TMEM161B: variants seen among roughly 807,000 people sequenced by gnomAD.
TMEM161B encodes the protein transmembrane protein 161B.
A neutral mutation model predicts 61.8 loss-of-function variants in TMEM161B; 34 were observed. The ratio of observed to expected loss-of-function variants is 0.55; its 90% CI spans 0.42 to 0.73. The LOEUF (loss-of-function observed/expected upper bound fraction) is 0.73. Ranked by LOEUF, TMEM161B falls within the 30% of genes least tolerant of loss-of-function variation. The pLI is 0.00. For missense variants in TMEM161B, 456 were observed against 558.5 expected, an observed-to-expected ratio of 0.82 and a Z score of 1.85; for synonymous variants, 167 against 192.8, an observed-to-expected ratio of 0.87 and a Z score of 1.11.
chr5:88,219,233 A>G (rs992784523), intron 5 of TMEM161B, among the ~76,000 whole-genome samples: 1 of 152,198 alleles, frequency 6.6e-6, no homozygotes, highest in African/African-American at 2.4e-5. Flanking sequence ...TGACATCACT[A>G]TATGTGGAAG....
At chr5:88,209,382 T>C (rs1275916438) in intron 5 of TMEM161B, among the ~76,000 whole-genome samples, 1 of 152,192 alleles carries the variant, frequency 6.6e-6, no homozygotes, top group Non-Finnish European at 1.5e-5. Flanking sequence ...CAACTTCTTT[T>C]CTTACACTGA....
chr5:88,194,798 C>A (rs1228067757), downstream of TMEM161B, among the ~76,000 whole-genome samples: 2 of 152,034 alleles, frequency 1.3e-5, no homozygotes, highest in Non-Finnish European at 2.9e-5. Flanking sequence ...AACATAAAGA[C>A]AGCCTCTTAA....
chr5:88,240,422 G>A (rs1752525480), intron 2 of TMEM161B, among the ~76,000 whole-genome samples: 1 of 151,714 alleles, frequency 6.6e-6, no homozygotes, highest in African/African-American at 2.4e-5. Flanking sequence ...AATATGTGGT[G>A]TTTTCAGTGC....
chr5:88,219,958 A>G (rs1193599339), intron 5 of TMEM161B, among the ~76,000 whole-genome samples: 2 of 152,094 alleles, frequency 1.3e-5, no homozygotes, highest in African/African-American at 2.4e-5. Flanking sequence ...GGAAGTTTAG[A>G]AAACTGAGGG....
chr5:88,192,834 G>A (rs1274543417), downstream of TMEM161B, among the ~76,000 whole-genome samples: 1 of 152,130 alleles, frequency 6.6e-6, no homozygotes, highest in African/African-American at 2.4e-5. Context: ...TGAGACCTTA[G>A]GCTTCAAAAT....
intron 5 of TMEM161B, among the ~76,000 whole-genome samples, chr5:88,215,806 TAAAC>T (rs1363934852): frequency 2.0e-5 from 3 of 152,218 alleles, no homozygotes; most frequent in Non-Finnish European, 4.4e-5. Context: ...TTTACTCACA[TAAAC>T]AATATGAATA....
intron 11 of TMEM161B, among the ~76,000 whole-genome samples, chr5:88,196,723 T>G (rs1031347429): frequency 6.6e-6 from 1 of 152,066 alleles, no homozygotes; most frequent in Non-Finnish European, 1.5e-5. Flanking sequence ...GTCTGATATA[T>G]TTTTAATTAA....
intron 1 of TMEM161B, among the ~76,000 whole-genome samples, chr5:88,262,187 AG>A (rs1260497232): frequency 1.3e-5 from 2 of 152,216 alleles, no homozygotes; most frequent in African/African-American, 4.8e-5. Context: ...TCATGTCATT[AG>A]GAAAATACAA....
At chr5:88,203,787 A>AAAATT (rs1561312572) in intron 8 of TMEM161B, among the ~76,000 whole-genome samples, 3 of 19,312 alleles carry the variant, frequency 1.6e-4, no homozygotes, top group African/African-American at 3.1e-4. Context: ...ATATATATAT[A>AAAATT]TATATATATA....
chr5:88,199,762 A>G (rs1208497066), intron 9 of TMEM161B: 1 of 152,178 alleles, frequency 6.6e-6, no homozygotes, highest in Non-Finnish European at 1.5e-5. Context: ...TAACGGAAGG[A>G]CACCATTTCA....
At chr5:88,240,777 A>G (rs1428848235) in intron 2 of TMEM161B, 36 bp downstream of exon 2, 1 of 1,444,626 alleles carries the variant, frequency 6.9e-7, no homozygotes, top group Non-Finnish European at 9.7e-7. Flanking sequence ...CTAGAGATTG[A>G]AAGTGTCAGT....
chr5:88,241,788 C>A (rs1752781936), intron 1 of TMEM161B, among the ~76,000 whole-genome samples: 1 of 151,760 alleles, frequency 6.6e-6, no homozygotes, highest in African/African-American at 2.4e-5. Flanking sequence ...CATCTCCAAC[C>A]CCCTTCAAAC....
chr5:88,228,559 G>A, intron 2 of TMEM161B, 31 bp from the exon 3 acceptor site: 1 of 1,477,242 alleles, frequency 6.8e-7, no homozygotes, highest in East Asian at 2.3e-5. Flanking sequence ...TTTAAATAAA[G>A]CGCTTAAAAT....
intron 5 of TMEM161B, among the ~76,000 whole-genome samples, chr5:88,217,051 T>C (rs1445854297): frequency 6.6e-6 from 1 of 152,146 alleles, no homozygotes; most frequent in Non-Finnish European, 1.5e-5. Context: ...ACAGGGTTGA[T>C]GAATGGATAA....
At chr5:88,189,319 T>G (rs1748564702), downstream of TMEM161B, among the ~76,000 whole-genome samples, 1 of 152,174 alleles carries the variant, frequency 6.6e-6, no homozygotes, top group Non-Finnish European at 1.5e-5. Flanking sequence ...AACTTCCTCA[T>G]GCTTCGGCTA....
At chr5:88,228,618 G>A (rs943289794) in intron 2 of TMEM161B, 90 bp from the exon 3 acceptor site, 6 of 933,590 alleles carry the variant, frequency 6.4e-6, no homozygotes, top group South Asian at 5.2e-5. Context: ...TTTCATATTT[G>A]TGAAGACACT....
intron 4 of TMEM161B, among the ~76,000 whole-genome samples, 181 bp from the exon 5 acceptor site, chr5:88,220,900 T>TTAG (rs1748850606): frequency 6.6e-6 from 1 of 152,170 alleles, no homozygotes; most frequent in South Asian, 2.1e-4. Context: ...ACTGAGGATG[T>TTAG]TAGCATCCCA....
chr5:88,237,483 G>A (rs1279680850), intron 2 of TMEM161B, among the ~76,000 whole-genome samples: 1 of 151,990 alleles, frequency 6.6e-6, no homozygotes, highest in African/African-American at 2.4e-5. Context: ...GACCTACCTG[G>A]AGAGCTGCCC....
intron 5 of TMEM161B, among the ~76,000 whole-genome samples, chr5:88,208,310 C>T (rs1248522180): frequency 1.3e-5 from 2 of 151,998 alleles, no homozygotes; most frequent in African/African-American, 4.8e-5. Context: ...GATGAAACCC[C>T]GTCTCTACTA....
Sources: gnomAD v4.1 joint callset for allele counts (sites outside exome capture counted in the v4.1 genomes callset) on GRCh38, gnomAD v4.1.1 for gene constraint, MANE v1.5 for transcripts, NCBI Gene and HGNC (gene_info 2026-07-23, HGNC 2026-07-21) for gene names.